TFB1M: variants seen among roughly 807,000 people sequenced by gnomAD.
TFB1M encodes the protein transcription factor B1, mitochondrial.
In TFB1M, 27 loss-of-function variants were observed where a neutral mutation model predicts 31.1. The observed-to-expected ratio is 0.87, with a 90% CI of 0.64 to 1.20. The LOEUF is 1.20. Ranked by LOEUF, TFB1M falls within the 50% of genes most tolerant of loss-of-function variation. The pLI is 0.00. For synonymous variants in TFB1M, 166 were observed against 151.8 expected (o/e 1.09, Z -0.69); for missense variants, 394 against 418.7 (o/e 0.94, Z 0.51).
intron 2 of TFB1M, chr6:155,303,338 T>C (rs1374327579): frequency 2.0e-5 from 3 of 152,182 alleles, no homozygotes; most frequent in Admixed American, 6.5e-5. Context: ...GTTACGAAGG[T>C]GTTTTTGCTA....
intron 4 of TFB1M, among the ~76,000 whole-genome samples, chr6:155,294,489 C>G (rs1161404296): frequency 6.6e-6 from 1 of 152,080 alleles, no homozygotes; most frequent in East Asian, 1.9e-4. Context: ...AAAAGATAAG[C>G]AACCCAAAAG....
At chr6:155,286,126 G>A (rs1237846003) in intron 4 of TFB1M, among the ~76,000 whole-genome samples, 3 of 152,114 alleles carry the variant, frequency 2.0e-5, no homozygotes, top group Non-Finnish European at 4.4e-5. Flanking sequence ...TAGATGCGAT[G>A]TAGCAACTGC....
intron 4 of TFB1M, among the ~76,000 whole-genome samples, chr6:155,292,539 G>A (rs78984757): frequency 0.019 from 2,907 of 152,012 alleles, 106 homozygotes; most frequent in African/African-American, 0.067. Flanking sequence ...GGGGCTCAAC[G>A]AGCCCCAAAT....
chr6:155,310,104 C>T (rs1170957040), intron 2 of TFB1M, among the ~76,000 whole-genome samples: 1 of 152,200 alleles, frequency 6.6e-6, no homozygotes, highest in Non-Finnish European at 1.5e-5. Context: ...TCAAACCGTT[C>T]TGACAGAAAT....
downstream of TFB1M, chr6:155,254,288 G>A: frequency 8.2e-7 from 1 of 1,223,302 alleles, no homozygotes; most frequent in Non-Finnish European, 1.2e-6. Flanking sequence ...AGGCCACATG[G>A]CACTGCTGCT....
At chr6:155,299,835 C>T (rs1390172494) in intron 2 of TFB1M, among the ~76,000 whole-genome samples, 1 of 152,138 alleles carries the variant, frequency 6.6e-6, no homozygotes, top group Non-Finnish European at 1.5e-5. Flanking sequence ...AGACACTGGA[C>T]CAAGAAACAT....
chr6:155,244,256 C>T, the TFB1M span, among the ~76,000 whole-genome samples: 1 of 152,226 alleles, frequency 6.6e-6, no homozygotes, highest in Non-Finnish European at 1.5e-5. Context: ...GCCTCGGCTG[C>T]ATGACCCAGT....
chr6:155,313,994 C>T, intron 1 of TFB1M: 5 of 801,750 alleles, frequency 6.2e-6, no homozygotes, highest in African/African-American at 1.7e-5. Context: ...ACCCAGATTC[C>T]AATATTCACT....
At chr6:155,308,312 A>G (rs1777874370) in intron 2 of TFB1M, among the ~76,000 whole-genome samples, 2 of 152,202 alleles carry the variant, frequency 1.3e-5, no homozygotes, top group South Asian at 2.1e-4. Context: ...TAGTGCTCCA[A>G]TGGAATAACA....
the TFB1M span, chr6:155,244,183 A>T: frequency 2.7e-6 from 3 of 1,127,152 alleles, no homozygotes; most frequent in Non-Finnish European, 4.0e-6. Flanking sequence ...CCAAAAGAAC[A>T]TCCCAAGACT....
At chr6:155,246,800 GGTAA>G in the TFB1M span, among the ~76,000 whole-genome samples, 7 of 152,194 alleles carry the variant, frequency 4.6e-5, no homozygotes, top group Non-Finnish European at 7.3e-5. Flanking sequence ...TACTTGGCCT[GGTAA>G]TCACATTCAA....
chr6:155,268,692 G>A lies in TFB1M; in HGVS notation c.667-8292C>T, dbSNP rs960826400. Among the ~76,000 whole-genome samples the A allele has an allele frequency of 2.0e-5, 3 of 152,012 alleles. No individual in the cohort carries two copies. In the South Asian group the frequency reaches 6.3e-4, roughly 32 times the overall value. On this transcript the variant is annotated intron_variant, in intron 5 of 6. Transcript: ENST00000367166. ...TGAAACATGTGCTGTGTCCACTCAG[G>A]GTTAAGTGGATTAAGGGCGGTGCAA...
chr6:155,246,323 G>A, the TFB1M span, among the ~76,000 whole-genome samples: 5 of 152,024 alleles, frequency 3.3e-5, no homozygotes, highest in Non-Finnish European at 5.9e-5. Flanking sequence ...AATCCAGAAC[G>A]TCATGATATC....
At chr6:155,240,718 A>C in the TFB1M span, 1 of 1,604,606 alleles carries the variant, frequency 6.2e-7, no homozygotes, top group African/African-American at 1.3e-5. Context: ...AGGTAAGGGA[A>C]GAGCTGGCAT....
At chr6:155,291,373 G>A (rs1243404956) in intron 4 of TFB1M, among the ~76,000 whole-genome samples, 3 of 152,244 alleles carry the variant, frequency 2.0e-5, no homozygotes, top group Middle Eastern at 3.4e-3. Flanking sequence ...ATATCCAAAG[G>A]TTGAGAAAAA....
chr6:155,289,039 G>T (rs1252124708), intron 4 of TFB1M, among the ~76,000 whole-genome samples: 1 of 151,226 alleles, frequency 6.6e-6, no homozygotes, highest in East Asian at 1.9e-4. Flanking sequence ...AAAAACAAGG[G>T]GTCAAAGAAT....
chr6:155,245,603 T>A, the TFB1M span: 1 of 1,598,160 alleles, frequency 6.3e-7, no homozygotes, highest in South Asian at 1.1e-5. Flanking sequence ...CTGATTTGAC[T>A]TTCCCCTCTG....
chr6:155,252,968 A>C (rs762896151), downstream of TFB1M: 1 of 1,614,108 alleles, frequency 6.2e-7, no homozygotes, highest in Admixed American at 1.7e-5. Context: ...CCCGGCCTGC[A>C]CACAACTCTA....
At chr6:155,241,023 G>T in the TFB1M span, among the ~76,000 whole-genome samples, 1 of 152,240 alleles carries the variant, frequency 6.6e-6, no homozygotes, top group African/African-American at 2.4e-5. Context: ...AGTATAAGGG[G>T]AGAGAGATCA....
Sources: gnomAD v4.1 joint callset for allele counts (sites outside exome capture counted in the v4.1 genomes callset) on GRCh38, gnomAD v4.1.1 for gene constraint, MANE v1.5 for transcripts, NCBI Gene and HGNC (gene_info 2026-07-23, HGNC 2026-07-21) for gene names.